The following PCDH9 variants were observed in gnomAD, a reference collection of about 807,000 sequenced individuals.
PCDH9 encodes the protein protocadherin 9.
In PCDH9, 24 loss-of-function variants were observed where a neutral mutation model predicts 70.6. That is an observed-to-expected ratio of 0.34 (90% confidence interval 0.25 to 0.48). The LOEUF is 0.48. Ranked by LOEUF, PCDH9 falls within the 20% of genes least tolerant of loss-of-function variation. PCDH9 has a pLI of 0.99. For missense variants in PCDH9, 1,281 were observed against 1,503.6 expected (o/e 0.85, Z 2.45); for synonymous variants, 562 against 558.5 (o/e 1.01, Z -0.09).
At position 67,181,370 on chromosome 13, in the gene PCDH9, C is replaced by T. The variant is rs191123186; in HGVS notation, c.3036+44035G>A. On this transcript the variant is annotated intron_variant, in intron 2 of 4. Transcript: ENST00000377865. Reference sequence around the variant, plus strand: ...AAATCATTGGTGTCATTAAGCAGAGCGATTTCATAAGCCGTAGAGGAAATT... The same window carrying T: ...AAATCATTGGTGTCATTAAGCAGAGTGATTTCATAAGCCGTAGAGGAAATT... Among the ~76,000 whole-genome samples the T allele has an allele frequency of 7.9e-4, 120 of 151,976 alleles. 5 individuals are homozygous for T. The East Asian group carries it at 0.022, about 27-fold the overall frequency.
intron 2 of PCDH9, among the ~76,000 whole-genome samples, chr13:67,046,388 G>T (rs1285162291): frequency 6.6e-6 from 1 of 152,106 alleles, no homozygotes; most frequent in Non-Finnish European, 1.5e-5. Flanking sequence ...TCTCCTGTTT[G>T]ATAAAATTGA....
chr13:66,883,370 T>A (rs976911605), intron 3 of PCDH9, among the ~76,000 whole-genome samples: 2 of 152,156 alleles, frequency 1.3e-5, no homozygotes, highest in East Asian at 3.9e-4. Context: ...CACTAATGTG[T>A]GTGTGTGTGT....
At chr13:67,191,178 C>T (rs752663976) in intron 2 of PCDH9, among the ~76,000 whole-genome samples, 10 of 152,076 alleles carry the variant, frequency 6.6e-5, no homozygotes, top group Non-Finnish European at 1.3e-4. Context: ...TTACTATAGG[C>T]TAAATTCTCA....
intron 3 of PCDH9, among the ~76,000 whole-genome samples, chr13:66,780,670 A>G (rs959165877): frequency 6.6e-6 from 1 of 152,122 alleles, no homozygotes; most frequent in Admixed American, 6.5e-5. Flanking sequence ...CGTGATACTT[A>G]TGAGTTTCAG....
At chr13:66,621,200 G>A (rs980711842) in intron 4 of PCDH9, among the ~76,000 whole-genome samples, 1 of 152,140 alleles carries the variant, frequency 6.6e-6, no homozygotes, top group African/African-American at 2.4e-5. Flanking sequence ...AACCAACAAA[G>A]TAAAGCAAAG....
intron 4 of PCDH9, among the ~76,000 whole-genome samples, chr13:66,436,191 G>T (rs560562668): frequency 2.0e-5 from 3 of 152,090 alleles, no homozygotes; most frequent in African/African-American, 7.2e-5. Flanking sequence ...CTGTTAGGAG[G>T]TGGGACATCT....
chr13:66,541,239 CA>C (rs1162089600), intron 4 of PCDH9, among the ~76,000 whole-genome samples: 1 of 152,048 alleles, frequency 6.6e-6, no homozygotes, highest in Non-Finnish European at 1.5e-5. Flanking sequence ...TCAGATGGCA[CA>C]AAAGTCATTT....
chr13:66,617,309 G>C (rs4409971), intron 4 of PCDH9, among the ~76,000 whole-genome samples: 117,909 of 152,064 alleles, frequency 0.78, 46,056 homozygotes, highest in Admixed American at 0.85. Context: ...TATCTGGTAG[G>C]AAGAGAAGAG....
At chr13:66,349,849 T>G (rs1264212902) in intron 4 of PCDH9, among the ~76,000 whole-genome samples, 3 of 152,216 alleles carry the variant, frequency 2.0e-5, no homozygotes, top group Non-Finnish European at 4.4e-5. Context: ...ACTACTACTA[T>G]GCGAGCACAT....
intron 4 of PCDH9, among the ~76,000 whole-genome samples, chr13:66,590,086 A>G (rs1463324430): frequency 6.6e-6 from 1 of 152,078 alleles, no homozygotes; most frequent in African/African-American, 2.4e-5. Context: ...GTGCACACAA[A>G]GTTTCATCAT....
At chr13:66,789,572 A>AAACT (rs1383311377) in intron 3 of PCDH9, among the ~76,000 whole-genome samples, 1 of 152,108 alleles carries the variant, frequency 6.6e-6, no homozygotes, top group Non-Finnish European at 1.5e-5. Flanking sequence ...AGAGCAACCA[A>AAACT]AACTACTTTA....
rs75739691 is a variant in PCDH9, at chr13:67,186,359, G to A, written c.3036+39046C>T. ...TTCATTTCAGGAACCAAAAACGTAT[G>A]TAGGGGACGAGGAAATGTCTACAGC... On this transcript the variant is annotated intron_variant, in intron 2 of 4. Transcript: ENST00000377865. 6.6e-3 allele frequency among the ~76,000 whole-genome samples: 1,007 copies of A among 152,262 alleles called. 14 individuals are homozygous for A. The highest frequency in any genetic ancestry group is 0.023 in the African/African-American group (946 of 41,538).
At chr13:66,852,310 T>C (rs919514175) in intron 3 of PCDH9, among the ~76,000 whole-genome samples, 4 of 152,122 alleles carry the variant, frequency 2.6e-5, no homozygotes, top group African/African-American at 9.7e-5. Flanking sequence ...CATTCAGCTA[T>C]GTTATCTGTT....
At chr13:66,910,295 T>C (rs975871594) in intron 2 of PCDH9, among the ~76,000 whole-genome samples, 5 of 152,222 alleles carry the variant, frequency 3.3e-5, no homozygotes, top group South Asian at 2.1e-4. Flanking sequence ...TGATTTTATA[T>C]AGTCTTCTGG....
intron 4 of PCDH9, among the ~76,000 whole-genome samples, chr13:66,465,704 T>C (rs1958503032): frequency 6.6e-6 from 1 of 151,920 alleles, no homozygotes; most frequent in African/African-American, 2.4e-5. Context: ...GAAATTATTA[T>C]TAAAAGTATG....
In PCDH9 at chr13:66,507,814, G is replaced by A. The variant is rs544049018; in HGVS notation, c.3340+123396C>T. ...TTGCCTCACTGCAACTTCCACCTCCGGGCTTCAAGCAATTCTCCTGCCTCA... is the reference window on the plus strand; with the variant it reads ...TTGCCTCACTGCAACTTCCACCTCCAGGCTTCAAGCAATTCTCCTGCCTCA... On this transcript the variant is annotated intron_variant, in intron 4 of 4. Transcript: ENST00000377865. Among the ~76,000 whole-genome samples the A allele has an allele frequency of 3.4e-3, 514 of 151,940 alleles. 3 individuals are homozygous for A. Among genetic ancestry groups the A allele is most frequent in the African/African-American group, 0.011 (474 of 41,456 alleles).
chr13:66,579,633 CATATA>C (rs1280006578), intron 4 of PCDH9, among the ~76,000 whole-genome samples: 1 of 151,954 alleles, frequency 6.6e-6, no homozygotes, highest in Non-Finnish European at 1.5e-5. Context: ...AAAAAATGGT[CATATA>C]AGTCAGTTAG....
At chr13:66,869,354 ACTT>A (rs1327348804) in intron 3 of PCDH9, among the ~76,000 whole-genome samples, 3 of 152,160 alleles carry the variant, frequency 2.0e-5, no homozygotes, top group African/African-American at 4.8e-5. Context: ...GCTAAATACT[ACTT>A]GTATTTATTT....
chr13:66,845,247 C>T (rs1039476522), intron 3 of PCDH9, among the ~76,000 whole-genome samples: 3 of 152,174 alleles, frequency 2.0e-5, no homozygotes, highest in African/African-American at 7.2e-5. Flanking sequence ...GCCAAGCTGC[C>T]CTCAGCCCCA....
Sources: gnomAD v4.1 joint callset for allele counts (sites outside exome capture counted in the v4.1 genomes callset) on GRCh38, gnomAD v4.1.1 for gene constraint, MANE v1.5 for transcripts, NCBI Gene and HGNC (gene_info 2026-07-23, HGNC 2026-07-21) for gene names.